BNIP1: variants seen among roughly 807,000 people sequenced by gnomAD.
BNIP1 encodes the protein vesicle transport protein SEC20.
In BNIP1, 25 loss-of-function variants were observed where a neutral mutation model predicts 28.5. The observed-to-expected ratio is 0.88, with a 90% CI of 0.64 to 1.23. The LOEUF (loss-of-function observed/expected upper bound fraction) is 1.23, where lower values mean the gene tolerates loss of function less well. Among genes scored for constraint, BNIP1 ranks in the 50% most tolerant of loss-of-function variants. BNIP1 has a pLI of 0.00. For synonymous variants in BNIP1, 118 were observed against 101.7 expected (o/e 1.16, Z -0.96); for missense variants, 276 against 277.0 (o/e 1.00, Z 0.02).
intron 1 of BNIP1, chr5:173,144,834 A>C (rs1759784331): frequency 7.2e-6 from 4 of 557,958 alleles, no homozygotes; most frequent in Non-Finnish European, 1.3e-5. Flanking sequence ...GTGCCGCCGG[A>C]TCTCCCATCC....
At chr5:173,153,187 A>T (rs1760070264) in intron 2 of BNIP1, among the ~76,000 whole-genome samples, 1 of 150,994 alleles carries the variant, frequency 6.6e-6, no homozygotes, top group African/African-American at 2.4e-5. Flanking sequence ...AGGTTTTTGC[A>T]TTAGCTTCCC....
At chr5:173,152,465 T>A (rs1403969758) in intron 2 of BNIP1, among the ~76,000 whole-genome samples, 1 of 152,072 alleles carries the variant, frequency 6.6e-6, no homozygotes, top group Non-Finnish European at 1.5e-5. Flanking sequence ...TTCTCCTGCC[T>A]CAGCCTCCCG....
At chr5:173,158,522 C>T (rs1208943499) in intron 3 of BNIP1, among the ~76,000 whole-genome samples, 1 of 152,220 alleles carries the variant, frequency 6.6e-6, no homozygotes, top group East Asian at 1.9e-4. Flanking sequence ...AACAGAGCCT[C>T]CCCGTGGCGA....
intron 4 of BNIP1, among the ~76,000 whole-genome samples, chr5:173,159,115 G>A (rs771821861): frequency 1.3e-5 from 2 of 151,542 alleles, no homozygotes; most frequent in Non-Finnish European, 2.9e-5. Flanking sequence ...TTGGCTCACC[G>A]CAACCTCCGC....
chr5:173,155,734 A>C (rs948488445), intron 3 of BNIP1, among the ~76,000 whole-genome samples: 1 of 152,070 alleles, frequency 6.6e-6, no homozygotes, highest in Non-Finnish European at 1.5e-5. Flanking sequence ...AAAATTAAAA[A>C]ATTTTGGAAA....
rs180928619 is a variant in BNIP1 at position 173,151,592 on chromosome 5, T to C, written c.178-2730T>C. The C allele has an allele frequency of 1.5e-5, 24 of 1,613,782 alleles. No homozygotes were observed. The African/African-American group carries it at 2.1e-4, about 14-fold the overall frequency. ...CAGTTCTCTATCAAAGGGCATTTAT[T>C]TGGACTGCTTCCACATTTTTTTTTA... On this transcript the variant is annotated intron_variant, in intron 2 of 5. Transcript: ENST00000351486.
At chr5:173,162,586 G>A (rs916083408) in intron 5 of BNIP1, among the ~76,000 whole-genome samples, 4 of 151,872 alleles carry the variant, frequency 2.6e-5, no homozygotes, top group South Asian at 2.1e-4. Flanking sequence ...CCAAGATCAC[G>A]CCACTGCACT....
At chr5:173,155,237 G>A (rs1290677447) in intron 3 of BNIP1, among the ~76,000 whole-genome samples, 1 of 152,198 alleles carries the variant, frequency 6.6e-6, no homozygotes, top group East Asian at 1.9e-4. Context: ...TATAGTTACA[G>A]TTATATGCCA....
chr5:173,145,387 A>G (rs1209721442), intron 1 of BNIP1, among the ~76,000 whole-genome samples: 2 of 152,132 alleles, frequency 1.3e-5, no homozygotes, highest in East Asian at 3.9e-4. Flanking sequence ...CGAGTTTTAA[A>G]CCTTGTTTTT....
intron 3 of BNIP1, among the ~76,000 whole-genome samples, chr5:173,157,947 GAGA>G (rs1760251263): frequency 1.4e-5 from 2 of 147,020 alleles, no homozygotes; most frequent in Admixed American, 6.8e-5. Context: ...TTTTTCTTGA[GAGA>G]AGGTCTTACT....
At chr5:173,156,693 G>A (rs1307925124) in intron 3 of BNIP1, among the ~76,000 whole-genome samples, 1 of 150,132 alleles carries the variant, frequency 6.7e-6, no homozygotes, top group Non-Finnish European at 1.5e-5. Flanking sequence ...TGTCACCCAG[G>A]CTGGAGTGCA....
At chr5:173,144,904 C>A in intron 1 of BNIP1, 1 of 392,236 alleles carries the variant, frequency 2.5e-6, no homozygotes, top group Non-Finnish European at 4.6e-6. Flanking sequence ...CTCGGCTTTG[C>A]CCCTTCCACC....
At chr5:173,158,665 TG>T (rs1440151227) in intron 3 of BNIP1, 78 bp from the exon 4 acceptor site, 12 of 1,162,942 alleles carry the variant, frequency 1.0e-5, no homozygotes, top group South Asian at 1.4e-5. Context: ...GTGCCTTTGT[TG>T]GGGGGAAGTG....
chr5:173,147,731 ATGTT>A (rs957980728), intron 2 of BNIP1, among the ~76,000 whole-genome samples: 10 of 151,962 alleles, frequency 6.6e-5, no homozygotes, highest in Non-Finnish European at 1.3e-4. Context: ...AGTAGCAGTT[ATGTT>A]TGTTTGTTTT....
intron 3 of BNIP1, 24 bp downstream of exon 3, chr5:173,154,437 G>T: frequency 6.3e-7 from 1 of 1,589,790 alleles, no homozygotes; most frequent in Non-Finnish European, 8.6e-7. Context: ...GCCCCCGCCA[G>T]CGGCTTCTGC....
intron 2 of BNIP1, among the ~76,000 whole-genome samples, chr5:173,150,999 C>T (rs1760001182): frequency 6.6e-6 from 1 of 151,886 alleles, no homozygotes; most frequent in Non-Finnish European, 1.5e-5. Flanking sequence ...CCACACACAG[C>T]TAATTTTTCG....
At position 173,163,866 on chromosome 5, in the gene BNIP1, T is replaced by G; in HGVS notation, c.632T>G (p.Leu211Arg). 1 of 1,613,790 alleles carries G rather than the reference T, an allele frequency of 6.2e-7. No homozygotes were observed. Among genetic ancestry groups the G allele is most frequent in the Non-Finnish European group, 8.5e-7 (1 of 1,179,856 alleles). The change falls in exon 6 of 6, where the codon CTG (leucine) becomes CGG (arginine). Residue 211 changes from leucine (L) to arginine (R), a missense_variant. Coordinates refer to ENST00000351486, the MANE Select transcript of BNIP1 (RefSeq NM_001205.3). ...CTTCTCATCTTCCTTGCGCTAGCCC[T>G]GTTTCTTGCTACGGTCCTCTATATT... ...DKLLIFLALA[L>R]FLATVLYIVK...
At chr5:173,151,803 G>A (rs1221496264) in intron 2 of BNIP1, 17 of 1,511,612 alleles carry the variant, frequency 1.1e-5, no homozygotes, top group Middle Eastern at 1.8e-4. Context: ...TATTTATTAT[G>A]GCACCTAGGA....
chr5:173,157,922 G>T (rs1760246973), intron 3 of BNIP1, among the ~76,000 whole-genome samples: 1 of 148,778 alleles, frequency 6.7e-6, no homozygotes, highest in African/African-American at 2.5e-5. Flanking sequence ...GTGTGTGTGT[G>T]TGTGTTTTTT....
Sources: gnomAD v4.1 joint callset for allele counts (sites outside exome capture counted in the v4.1 genomes callset) on GRCh38, gnomAD v4.1.1 for gene constraint, MANE v1.5 for transcripts, NCBI Gene and HGNC (gene_info 2026-07-23, HGNC 2026-07-21) for gene names.